CORO2B: variants seen among roughly 807,000 people sequenced by gnomAD.
CORO2B encodes the protein coronin 2B, also known as coronin-2B.
In CORO2B, 26 loss-of-function variants were observed where a neutral mutation model predicts 58.8. The observed-to-expected ratio is 0.44, with a 90% CI of 0.32 to 0.61. The LOEUF (loss-of-function observed/expected upper bound fraction) is 0.61, where lower values mean the gene tolerates loss of function less well. Ranked by LOEUF, CORO2B falls within the 20% of genes least tolerant of loss-of-function variation. The pLI, the probability that CORO2B is intolerant of heterozygous loss-of-function variation, is 0.04. For missense variants in CORO2B, 460 were observed against 645.1 expected (o/e 0.71, Z 3.11); for synonymous variants, 242 against 253.8 (o/e 0.95, Z 0.44).
chr15:68,660,012 G>A (rs1901963382), intron 2 of CORO2B, among the ~76,000 whole-genome samples: 1 of 152,180 alleles, frequency 6.6e-6, no homozygotes, highest in Non-Finnish European at 1.5e-5. Context: ...TGGAAGTGGT[G>A]GTGGAGGTGG....
rs567770829 is a variant in CORO2B at position 68,667,395 on chromosome 15, G to T, written c.216+22035G>T. The stretch of plus-strand genomic sequence containing the variant: ...GTTTGAGGCAGGGGTATCGTGGTCT[G>T]TTTTCACACCTGTTCCTGCTTCTAG... On this transcript the variant is annotated intron_variant, in intron 2 of 11. Transcript: ENST00000261861. Among the ~76,000 whole-genome samples the T allele has an allele frequency of 2.6e-5, 4 of 152,330 alleles. No individual in the cohort carries two copies. The South Asian group carries it at 8.3e-4, about 32-fold the overall frequency.
chr15:68,664,370 G>A (rs1902116862), intron 2 of CORO2B, among the ~76,000 whole-genome samples: 1 of 152,164 alleles, frequency 6.6e-6, no homozygotes, highest in South Asian at 2.1e-4. Flanking sequence ...GTTATTGGCG[G>A]GGCATGGTGG....
At chr15:68,574,327 G>A (rs937840559), upstream of CORO2B, among the ~76,000 whole-genome samples, 10 of 152,164 alleles carry the variant, frequency 6.6e-5, no homozygotes, top group Non-Finnish European at 1.2e-4. Context: ...GGCAGCAAGG[G>A]GTGGAGGAGC....
At chr15:68,553,350 A>T in the CORO2B span, among the ~76,000 whole-genome samples, 1 of 152,044 alleles carries the variant, frequency 6.6e-6, no homozygotes, top group East Asian at 1.9e-4. Flanking sequence ...GTAGTCCTAA[A>T]GTAATCACAA....
At chr15:68,527,993 C>G in the CORO2B span, among the ~76,000 whole-genome samples, 1 of 152,170 alleles carries the variant, frequency 6.6e-6, no homozygotes, top group African/African-American at 2.4e-5. Context: ...TGTGATCTTA[C>G]TAAAGTCACC....
In CORO2B at chr15:68,726,027, C is replaced by T; in HGVS notation, c.*53C>T. On this transcript the variant is annotated 3_prime_UTR_variant, in exon 12 of 12. Coordinates refer to ENST00000261861, the MANE Select transcript of CORO2B (RefSeq NM_006091.5). ...GATCTCTCCGTCGTTTCTACTCATC[C>T]CTTAACTTCTCCCTTACCAGTGACC... is the stretch of plus-strand genomic sequence containing the variant. 5.6e-6 allele frequency: 9 copies of T among 1,602,832 alleles called. No homozygotes were observed. Among genetic ancestry groups the T allele is most frequent in the South Asian group, 1.1e-5 (1 of 90,542 alleles).
intron 1 of CORO2B, among the ~76,000 whole-genome samples, chr15:68,596,256 C>T (rs1040636298): frequency 1.3e-5 from 2 of 152,018 alleles, no homozygotes; most frequent in Non-Finnish European, 1.5e-5. Flanking sequence ...CAGGAACAGT[C>T]CCTGCCCTCA....
In CORO2B at chr15:68,674,936, G is replaced by T. The variant is rs76561217; in HGVS notation, c.217-20204G>T. On this transcript the variant is annotated intron_variant, in intron 2 of 11. Transcript: ENST00000261861. ...TTTATTTTATTTTGAGAGCAGCAAG[G>T]TGGAGCACGAAAGGAATGAATCCCT... Among the ~76,000 whole-genome samples, 458 of 152,254 alleles carry T rather than the reference G, an allele frequency of 3.0e-3. 14 individuals are homozygous for T. The East Asian group carries it at 0.079, about 26-fold the overall frequency.
Position 68,727,709 on chromosome 15 carries a change from T to C in CORO2B, c.*1735T>C, listed in dbSNP as rs1893338409. 2 of 151,984 alleles carry C rather than the reference T, an allele frequency of 1.3e-5. No individual in the cohort carries two copies. The highest frequency in any genetic ancestry group is 2.9e-5 in the Non-Finnish European group (2 of 67,860). 9.4% of individuals were successfully genotyped at this position (151,984 alleles called of 1,614,324 possible). A position where few individuals can be genotyped will look rare whatever the true frequency, so the allele number is the denominator to read the frequency against. On this transcript the variant is annotated 3_prime_UTR_variant, in exon 12 of 12. Coordinates refer to ENST00000261861, the MANE Select transcript of CORO2B (RefSeq NM_006091.5). ...CTCCTCCTCCCACATTTCTGGAGCT[T>C]TTTTTTTTCCTTCCCCATTGACCTT...
chr15:68,646,183 G>A (rs1595987059), intron 2 of CORO2B, among the ~76,000 whole-genome samples: 1 of 152,024 alleles, frequency 6.6e-6, no homozygotes, highest in East Asian at 1.9e-4. Context: ...AGCTGCTTAC[G>A]TGAATATAAC....
chr15:68,527,881 A>G, the CORO2B span, among the ~76,000 whole-genome samples: 2 of 152,138 alleles, frequency 1.3e-5, no homozygotes, highest in African/African-American at 4.8e-5. Flanking sequence ...AGTGTTTCCT[A>G]TTAATTGATG....
intron 2 of CORO2B, among the ~76,000 whole-genome samples, chr15:68,663,105 G>C (rs936454389): frequency 2.0e-5 from 3 of 152,114 alleles, no homozygotes; most frequent in Admixed American, 6.5e-5. Context: ...AACCCGTGTT[G>C]TTCAGAGGTC....
At position 68,579,416 on chromosome 15, in the gene CORO2B, C is replaced by T. The variant is rs1039523749; in HGVS notation, c.15+139C>T. The T allele has an allele frequency of 2.5e-4, 218 of 873,446 alleles. 1 individual carries two copies. Among genetic ancestry groups the T allele is most frequent in the Non-Finnish European group, 3.0e-4 (208 of 691,834 alleles). The allele number at this position is 873,446 out of a possible 1,614,324, so 54.1% of individuals were successfully genotyped here. Reference sequence around the variant, plus strand: ...GTGCGGCGCGCGCCTCTCTTGCTGCCGGATCCGCTCGAGTCACTCCGGCCC... The same window carrying T: ...GTGCGGCGCGCGCCTCTCTTGCTGCTGGATCCGCTCGAGTCACTCCGGCCC... On this transcript the variant is annotated intron_variant, in intron 1 of 11. Coordinates refer to ENST00000261861, the MANE Select transcript of CORO2B (RefSeq NM_006091.5).
intron 5 of CORO2B, among the ~76,000 whole-genome samples, chr15:68,712,805 G>C (rs982596167): frequency 2.0e-5 from 3 of 152,018 alleles, no homozygotes; most frequent in Non-Finnish European, 2.9e-5. Flanking sequence ...AGCGAAGTTG[G>C]GAGACTCGAA....
chr15:68,595,362 C>T (rs933196648), intron 1 of CORO2B, among the ~76,000 whole-genome samples: 2 of 152,242 alleles, frequency 1.3e-5, no homozygotes, highest in African/African-American at 4.8e-5. Flanking sequence ...GTTTACATCC[C>T]TGGGAGTTGC....
At position 68,652,867 on chromosome 15, in the gene CORO2B, C is replaced by A. The variant is rs1566996747; in HGVS notation, c.216+7507C>A. On this transcript the variant is annotated intron_variant, in intron 2 of 11. Transcript: ENST00000261861. Reference sequence around the variant, plus strand: ...GCTCTCCCAGTCATGTGCCTGCCCACCTTACAGAGGTTTAGAGGGAAGCAT... The same window carrying A: ...GCTCTCCCAGTCATGTGCCTGCCCAACTTACAGAGGTTTAGAGGGAAGCAT... 2.0e-5 allele frequency among the ~76,000 whole-genome samples: 3 copies of A among 152,324 alleles called. No homozygotes were observed. In the East Asian group the frequency reaches 5.8e-4, roughly 29 times the overall value.
At chr15:68,639,610 G>A (rs1263112981) in intron 1 of CORO2B, among the ~76,000 whole-genome samples, 9 of 152,190 alleles carry the variant, frequency 5.9e-5, no homozygotes, top group Non-Finnish European at 1.3e-4. Context: ...TTATCTCAGG[G>A]CTGGAAGGCA....
intron 2 of CORO2B, among the ~76,000 whole-genome samples, chr15:68,661,126 C>T (rs1455420148): frequency 1.3e-5 from 2 of 152,026 alleles, no homozygotes; most frequent in Admixed American, 6.6e-5. Context: ...TACAGGTGCC[C>T]GCCACCATGC....
In CORO2B at chr15:68,697,469, G is replaced by A. The variant is rs140838540; in HGVS notation, c.333+2213G>A. On this transcript the variant is annotated intron_variant, in intron 3 of 11. Coordinates refer to ENST00000261861, the MANE Select transcript of CORO2B (RefSeq NM_006091.5). Reference sequence around the variant, plus strand: ...GTAAATAGCCTCCATCAGTTCACACGCTGGGGGTGAGGTCAGCTGGCACAG... The same window carrying A: ...GTAAATAGCCTCCATCAGTTCACACACTGGGGGTGAGGTCAGCTGGCACAG... 6.2e-3 allele frequency among the ~76,000 whole-genome samples: 950 copies of A among 152,306 alleles called. 10 individuals are homozygous for A. Among genetic ancestry groups the A allele is most frequent in the African/African-American group, 0.021 (867 of 41,554 alleles).
Sources: gnomAD v4.1 joint callset for allele counts (sites outside exome capture counted in the v4.1 genomes callset) on GRCh38, gnomAD v4.1.1 for gene constraint, MANE v1.5 for transcripts, NCBI Gene and HGNC (gene_info 2026-07-23, HGNC 2026-07-21) for gene names.